Variants in HIVEP1 observed in about 807,000 individuals in gnomAD.
The protein encoded by HIVEP1 is zinc finger protein 40.
HIVEP1 carries 36 observed loss-of-function variants against 180.0 expected under a neutral mutation model. The observed-to-expected ratio is 0.20, with a 90% confidence interval of 0.15 to 0.26. HIVEP1 has a LOEUF of 0.26. Among genes scored for constraint, HIVEP1 ranks in the 10% least tolerant of loss-of-function variants. The probability of loss-of-function intolerance (pLI) is 1.00; values close to 1 mark genes in which losing one functional copy is unlikely to be tolerated. For missense variants in HIVEP1, 3,143 were observed against 3,268.7 expected (o/e 0.96, Z 0.94); for synonymous variants, 1,239 against 1,239.0 (o/e 1.00, Z 0.00).
downstream of HIVEP1, among the ~76,000 whole-genome samples, chr6:12,168,225 T>TACATATATACA (rs371343189): frequency 2.9e-4 from 29 of 100,804 alleles, 1 homozygote; most frequent in South Asian, 5.6e-4. Flanking sequence ...TATACATATA[T>TACATATATACA]TATATACATA....
intron 2 of HIVEP1, among the ~76,000 whole-genome samples, chr6:12,061,049 G>T (rs549472843): frequency 5.0e-4 from 76 of 152,216 alleles, no homozygotes; most frequent in African/African-American, 1.8e-3. Flanking sequence ...ACGTGAAGGG[G>T]CAGGGAGCTC....
At chr6:12,112,314 G>C (rs939666325) in intron 3 of HIVEP1, among the ~76,000 whole-genome samples, 1 of 151,880 alleles carries the variant, frequency 6.6e-6, no homozygotes, top group African/African-American at 2.4e-5. Context: ...CTGCTTTCAG[G>C]ATTTTCTCTT....
intron 3 of HIVEP1, among the ~76,000 whole-genome samples, chr6:12,113,007 G>A (rs952318064): frequency 6.6e-6 from 1 of 151,988 alleles, no homozygotes; most frequent in African/African-American, 2.4e-5. Context: ...CTCAGGGGGA[G>A]GAAGCTCTCA....
chr6:12,136,751 G>C (rs1758728134), intron 7 of HIVEP1, among the ~76,000 whole-genome samples: 1 of 152,030 alleles, frequency 6.6e-6, no homozygotes, highest in African/African-American at 2.4e-5. Flanking sequence ...TTTTTAAAAG[G>C]TGTTAACAAA....
chr6:12,108,596 G>T (rs1467025990), intron 3 of HIVEP1, among the ~76,000 whole-genome samples: 2 of 152,226 alleles, frequency 1.3e-5, no homozygotes, highest in African/African-American at 4.8e-5. Context: ...GGCACTGCTG[G>T]GGGACCCAGT....
intron 2 of HIVEP1, among the ~76,000 whole-genome samples, chr6:12,050,447 G>A (rs62395289): frequency 0.24 from 37,131 of 151,932 alleles, 4,859 homozygotes; most frequent in African/African-American, 0.35. Context: ...CTAGCCGGGC[G>A]TAGTGGCAGG....
upstream of HIVEP1, chr6:12,007,954 A>C (rs1767094967): frequency 6.6e-6 from 1 of 152,152 alleles, no homozygotes; most frequent in South Asian, 2.1e-4. Flanking sequence ...GCAAGGCCTG[A>C]ACACAAGCTT....
At chr6:12,019,648 C>T (rs1456308891) in intron 2 of HIVEP1, among the ~76,000 whole-genome samples, 1 of 152,158 alleles carries the variant, frequency 6.6e-6, no homozygotes, top group African/African-American at 2.4e-5. Context: ...AAATGTTTGT[C>T]TTGTGCTTGG....
At chr6:12,189,598 TAAC>T in the HIVEP1 span, among the ~76,000 whole-genome samples, 4 of 151,996 alleles carry the variant, frequency 2.6e-5, no homozygotes, top group South Asian at 4.1e-4. Context: ...CACGAACGAT[TAAC>T]AACAACAAAA....
chr6:12,117,905 G>A (rs9470959), intron 3 of HIVEP1, among the ~76,000 whole-genome samples: 6,131 of 152,260 alleles, frequency 0.04, 404 homozygotes, highest in African/African-American at 0.14. Flanking sequence ...AGGTTGATGA[G>A]CATCATTTTT....
At chr6:12,193,084 T>C in the HIVEP1 span, among the ~76,000 whole-genome samples, 5 of 152,202 alleles carry the variant, frequency 3.3e-5, no homozygotes, top group South Asian at 2.1e-4. Context: ...TCCCAAAGTG[T>C]TGGGATTATA....
At chr6:12,181,156 C>T in the HIVEP1 span, among the ~76,000 whole-genome samples, 1 of 151,910 alleles carries the variant, frequency 6.6e-6, no homozygotes, top group South Asian at 2.1e-4. Context: ...GTTAGGAGAT[C>T]GAGACCATCC....
At chr6:12,141,986 G>T (rs9369108) in intron 7 of HIVEP1, among the ~76,000 whole-genome samples, 40,426 of 151,906 alleles carry the variant, frequency 0.27, 6,198 homozygotes, top group Non-Finnish European at 0.35. Context: ...AAGACAGAAG[G>T]TTAACAAGGA....
chr6:12,081,467 TCCTTTCCACTA>T (rs1207354607), intron 2 of HIVEP1, among the ~76,000 whole-genome samples: 1 of 152,150 alleles, frequency 6.6e-6, no homozygotes, highest in African/African-American at 2.4e-5. Context: ...CTTAAATTCA[TCCTTTCCACTA>T]GCAGACTTTT....
chr6:12,167,876 G>T (rs1350180215), downstream of HIVEP1, among the ~76,000 whole-genome samples: 2 of 142,730 alleles, frequency 1.4e-5, no homozygotes, highest in Non-Finnish European at 3.0e-5. Context: ...ATATACACAT[G>T]TACATGTATA....
At chr6:12,104,376 CTT>C (rs1248102601) in intron 3 of HIVEP1, among the ~76,000 whole-genome samples, 1 of 144,214 alleles carries the variant, frequency 6.9e-6, no homozygotes, top group African/African-American at 2.6e-5. Flanking sequence ...CTCTCTCTCT[CTT>C]TCTCTCTCTC....
chr6:12,024,153 C>T (rs1768429092), intron 2 of HIVEP1, among the ~76,000 whole-genome samples: 1 of 152,026 alleles, frequency 6.6e-6, no homozygotes, highest in Non-Finnish European at 1.5e-5. Flanking sequence ...AAAGAGAGAC[C>T]TTTCTTCTCA....
upstream of HIVEP1, among the ~76,000 whole-genome samples, chr6:12,010,948 C>G (rs890181632): frequency 6.6e-6 from 1 of 152,170 alleles, no homozygotes; most frequent in Non-Finnish European, 1.5e-5. Context: ...TTTCTGTCCC[C>G]GAAGTCCCCT....
chr6:12,137,104 A>G (rs1372019526), intron 7 of HIVEP1, among the ~76,000 whole-genome samples: 1 of 152,236 alleles, frequency 6.6e-6, no homozygotes, highest in Non-Finnish European at 1.5e-5. Flanking sequence ...TAAATATACA[A>G]GAGAAATGAC....
Sources: allele counts gnomAD v4.1 joint callset (sites outside exome capture counted in the v4.1 genomes callset), GRCh38; gene constraint gnomAD v4.1.1; transcripts MANE v1.5; gene names NCBI Gene and HGNC (gene_info 2026-07-23, HGNC 2026-07-21).